MRTFB: variants seen among roughly 807,000 people sequenced by gnomAD.
The protein encoded by MRTFB is myocardin related transcription factor B, also known as myocardin-related transcription factor B.
In MRTFB, 29 loss-of-function variants were observed where a neutral mutation model predicts 104.2. The ratio of observed to expected loss-of-function variants is 0.28; its 90% CI spans 0.21 to 0.38. MRTFB has a LOEUF of 0.38. Among genes scored for constraint, MRTFB ranks in the 10% least tolerant of loss-of-function variants. MRTFB has a pLI of 1.00. For synonymous variants in MRTFB, 535 were observed against 519.5 expected (o/e 1.03, Z -0.41); for missense variants, 1,270 against 1,341.6 (o/e 0.95, Z 0.83).
At chr16:14,241,079 A>AG (rs533570640) in intron 10 of MRTFB, 1 of 389,660 alleles carries the variant, frequency 2.6e-6, no homozygotes, top group Non-Finnish European at 4.5e-6. Flanking sequence ...CCAATGTCTA[A>AG]GGGGACTTGA....
chr16:14,151,959 C>T (rs1441411919), intron 3 of MRTFB: 1 of 152,160 alleles, frequency 6.6e-6, no homozygotes, highest in African/African-American at 2.4e-5. Flanking sequence ...TAAACAAACC[C>T]TCTGTCATCG....
chr16:14,018,960 T>C, the MRTFB span: 1 of 152,242 alleles, frequency 6.6e-6, no homozygotes, highest in South Asian at 2.1e-4. Flanking sequence ...TTACTGATCA[T>C]TGGCTATTCC....
At chr16:14,133,668 T>C (rs756869361) in intron 2 of MRTFB, among the ~76,000 whole-genome samples, 1 of 152,200 alleles carries the variant, frequency 6.6e-6, no homozygotes, top group Non-Finnish European at 1.5e-5. Flanking sequence ...GAGTACAATA[T>C]ATTTTTTATC....
chr16:14,047,081 G>T, the MRTFB span, among the ~76,000 whole-genome samples: 1,243 of 152,286 alleles, frequency 8.2e-3, 28 homozygotes, highest in African/African-American at 0.028. Context: ...GCCTCATAGT[G>T]CACAGAGAAT....
intron 3 of MRTFB, among the ~76,000 whole-genome samples, chr16:14,197,474 C>A (rs2040491083): frequency 6.6e-6 from 1 of 152,110 alleles, no homozygotes. Context: ...CTCCAAATTC[C>A]CGCAATGAAG....
In MRTFB at chr16:14,098,386, A is replaced by G. The variant is rs79480932; in HGVS notation, c.-64+19032A>G. 1.8e-4 allele frequency among the ~76,000 whole-genome samples: 28 copies of G among 152,278 alleles called. No homozygotes were observed. In the East Asian group the frequency reaches 2.9e-3, roughly 16 times the overall value. ...TTTGCCAATAGTTGGTAAAGTATCA[A>G]ATCTTTTATATGTTTATTGGGTTGT... On this transcript the variant is annotated intron_variant, in intron 2 of 16. Transcript: ENST00000571589.
chr16:14,137,788 C>A (rs2037796991), intron 2 of MRTFB, among the ~76,000 whole-genome samples: 1 of 152,010 alleles, frequency 6.6e-6, no homozygotes, highest in South Asian at 2.1e-4. Context: ...TTTGTGTCTT[C>A]ATATTTAAAG....
At chr16:14,027,059 T>C in the MRTFB span, among the ~76,000 whole-genome samples, 5 of 152,178 alleles carry the variant, frequency 3.3e-5, no homozygotes, top group Non-Finnish European at 5.9e-5. Context: ...TGCATATTTA[T>C]ACCAAAGAAA....
At chr16:14,033,383 A>T in the MRTFB span, among the ~76,000 whole-genome samples, 1 of 2,566 alleles carries the variant, frequency 3.9e-4, no homozygotes, top group African/African-American at 1.4e-3. Flanking sequence ...TCATCTCTAC[A>T]AAAAAATGTA....
intron 3 of MRTFB, among the ~76,000 whole-genome samples, chr16:14,206,322 A>G (rs2040939383): frequency 6.6e-6 from 1 of 152,224 alleles, no homozygotes; most frequent in Non-Finnish European, 1.5e-5. Context: ...TCTATCATTC[A>G]AGCCATGTTC....
chr16:14,027,949 G>A, the MRTFB span, among the ~76,000 whole-genome samples: 4 of 152,176 alleles, frequency 2.6e-5, no homozygotes, highest in African/African-American at 9.7e-5. Flanking sequence ...GGCTAAGACA[G>A]GCAGATGGCT....
chr16:14,235,697 A>G (rs772009338), intron 9 of MRTFB, among the ~76,000 whole-genome samples: 2 of 152,140 alleles, frequency 1.3e-5, no homozygotes, highest in African/African-American at 2.4e-5. Context: ...GTGGGGGCTG[A>G]TAGGTAGTAG....
At chr16:14,063,844 T>C in the MRTFB span, among the ~76,000 whole-genome samples, 4 of 152,332 alleles carry the variant, frequency 2.6e-5, no homozygotes, top group Admixed American at 2.0e-4. Flanking sequence ...CCATGGTGTA[T>C]AGGTACCACA....
At chr16:14,072,701 A>T (rs1267397558) in intron 1 of MRTFB, among the ~76,000 whole-genome samples, 2 of 152,152 alleles carry the variant, frequency 1.3e-5, no homozygotes, top group Non-Finnish European at 2.9e-5. Context: ...AAGAGCAGAG[A>T]TACAGACGGA....
chr16:14,028,445 C>T, the MRTFB span, among the ~76,000 whole-genome samples: 3 of 152,160 alleles, frequency 2.0e-5, no homozygotes, highest in Non-Finnish European at 2.9e-5. Flanking sequence ...GGAAAAGCAA[C>T]AGGCAGGTGG....
chr16:14,167,650 G>A (rs2039289022), intron 3 of MRTFB, among the ~76,000 whole-genome samples: 1 of 152,014 alleles, frequency 6.6e-6, no homozygotes, highest in African/African-American at 2.4e-5. Flanking sequence ...TTACATATAA[G>A]TCTTTAATCT....
At chr16:14,072,789 A>G (rs1200295953) in intron 1 of MRTFB, among the ~76,000 whole-genome samples, 1 of 152,238 alleles carries the variant, frequency 6.6e-6, no homozygotes, top group Admixed American at 6.5e-5. Flanking sequence ...TGAACTAGGG[A>G]TAACATGGCA....
At chr16:14,008,367 G>C in the MRTFB span, among the ~76,000 whole-genome samples, 209 of 152,240 alleles carry the variant, frequency 1.4e-3, no homozygotes, top group African/African-American at 4.7e-3. Flanking sequence ...GATCCATTTT[G>C]AATTAGTTTT....
chr16:14,248,847 A>G, intron 12 of MRTFB, 79 bp from the exon 13 acceptor site: 1 of 1,469,160 alleles, frequency 6.8e-7, no homozygotes, highest in South Asian at 1.3e-5. Context: ...CCAAGTGACC[A>G]GTGATTCTAC....
Sources: gnomAD v4.1 joint callset for allele counts (sites outside exome capture counted in the v4.1 genomes callset) on GRCh38, gnomAD v4.1.1 for gene constraint, MANE v1.5 for transcripts, NCBI Gene and HGNC (gene_info 2026-07-23, HGNC 2026-07-21) for gene names.